The following AKAP5 variants were observed in gnomAD, a reference collection of about 807,000 sequenced individuals.
The protein encoded by AKAP5 is A-kinase anchoring protein 5, also known as A-kinase anchor protein 5.
AKAP5 carries 5 observed loss-of-function variants against 13.8 expected under a neutral mutation model. The ratio of observed to expected loss-of-function variants is 0.36; its 90% CI spans 0.19 to 0.76. The LOEUF (loss-of-function observed/expected upper bound fraction) is 0.76. Among genes scored for constraint, AKAP5 ranks in the 30% least tolerant of loss-of-function variants. The pLI is 0.51. For missense variants in AKAP5, 406 were observed against 484.4 expected (o/e 0.84, Z 1.52); for synonymous variants, 148 against 167.2 (o/e 0.89, Z 0.89).
In AKAP5 at chr14:64,471,722, G is replaced by C. The variant is rs1006463457; in HGVS notation, c.*2044G>C. The C allele has an allele frequency of 6.0e-6, 1 of 167,036 alleles. No individual in the cohort carries two copies. The highest frequency in any genetic ancestry group is 1.5e-5 in the Non-Finnish European group (1 of 68,118). The allele number at this position is 167,036 out of a possible 1,614,324, so 10.3% of individuals were successfully genotyped here. ...TACTTGAAACAGATGAAGTAATAAA[G>C]ATGAAGTATGAGATGTAAGGTATTT... On this transcript the variant is annotated 3_prime_UTR_variant, in exon 2 of 2. Transcript: ENST00000394718.
Position 64,468,615 on chromosome 14 carries a change from C to A in AKAP5, c.221C>A (p.Pro74His). The A allele has an allele frequency of 6.2e-7, 1 of 1,613,874 alleles. No homozygotes were observed. The highest frequency in any genetic ancestry group is 2.2e-5 in the East Asian group (1 of 44,882). ...GCAGGAGCTTCTGATCAGCCAGAGC[C>A]CACACGGGGGGCCTGGGCCTCACTC... ...QEAGASDQPEPTRGAWASLKR... is the reference protein window; with the variant it reads ...QEAGASDQPEHTRGAWASLKR... The change falls in exon 2 of 2, where the codon CCC becomes CAC. Residue 74 changes from proline to histidine, a missense_variant. Transcript: ENST00000394718.
chr14:64,473,331 A>G lies in AKAP5; in HGVS notation c.*3653A>G, dbSNP rs1004322835. On this transcript the variant is annotated 3_prime_UTR_variant, in exon 2 of 2. Coordinates refer to ENST00000394718, the MANE Select transcript of AKAP5 (RefSeq NM_004857.3). ...GGAGTTGTTCAGAAAAGCTGTCTGC[A>G]TAATTTTCCTTCAAGGTAATGTATT... 2.4e-5 allele frequency: 4 copies of G among 167,226 alleles called. No individual in the cohort carries two copies. The highest frequency in any genetic ancestry group is 2.1e-4 in the South Asian group (1 of 4,828). The allele number at this position is 167,226 out of a possible 1,614,324, so 10.4% of individuals were successfully genotyped here.
rs776663915 is a variant in AKAP5, at chr14:64,468,911, G to C, written c.517G>C (p.Ala173Pro). ...AACACAGACCCCATTGAATGATCAG[G>C]CAACAAAGGCTAAGTCAACCCAGGA... ...IQTQTPLNDQ[A>P]TKAKSTQDLS... Residue 173 changes from alanine to proline, a missense_variant, in exon 2 of 2, where the codon GCA becomes CCA. Physicochemically the swap from Ala to Pro is conservative, Grantham distance 27. Transcript: ENST00000394718. 56 of 1,614,098 alleles carry C rather than the reference G, an allele frequency of 3.5e-5. No homozygotes were observed. The highest frequency in any genetic ancestry group is 4.7e-5 in the Non-Finnish European group (55 of 1,180,024).
chr14:64,470,798 A>C lies in AKAP5; in HGVS notation c.*1120A>C, dbSNP rs1017314350. ...GCAAAAACAAAACAAGGGGAATATT[A>C]TTCTTCATCCAGGAGAAGGGAAAAT... On this transcript the variant is annotated 3_prime_UTR_variant, in exon 2 of 2. Transcript: ENST00000394718. 2 of 167,016 alleles carry C rather than the reference A, an allele frequency of 1.2e-5. No individual in the cohort carries two copies. Among genetic ancestry groups the C allele is most frequent in the Admixed American group, 6.5e-5 (1 of 15,288 alleles). 10.3% of individuals were successfully genotyped at this position (167,016 alleles called of 1,614,324 possible).
rs1430072669 is a variant in AKAP5, at chr14:64,470,095, CTTAT to C, written c.*420_*423del. On this transcript the variant is annotated 3_prime_UTR_variant, in exon 2 of 2. Coordinates refer to ENST00000394718, the MANE Select transcript of AKAP5 (RefSeq NM_004857.3). ...TAACATCACATTAAGTTTTTAAAAA[CTTAT>C]TTTTTACAGTGCACATATATGTTTA... 12 of 169,256 alleles carry C rather than the reference CTTAT, an allele frequency of 7.1e-5. No homozygotes were observed. The allele number at this position is 169,256 out of a possible 1,614,324, so 10.5% of individuals were successfully genotyped here. A position where few individuals can be genotyped will look rare whatever the true frequency, so the allele number is the denominator to read the frequency against.
Position 64,468,859 on chromosome 14 carries a change from G to A in AKAP5, c.465G>A (p.Gln155=), listed in dbSNP as rs369440017. ...IEDSDCSIKV[Q]EEAEILDIQT... ...ACTCAGACTGCAGCATCAAAGTCCA[G>A]GAAGAAGCTGAAATTTTGGATATAC... The change falls in exon 2 of 2, where the codon CAG becomes CAA. Residue 155 remains glutamine, a synonymous_variant. Coordinates refer to ENST00000394718, the MANE Select transcript of AKAP5 (RefSeq NM_004857.3). 2.5e-6 allele frequency: 4 copies of A among 1,613,988 alleles called. No homozygotes were observed. Among genetic ancestry groups the A allele is most frequent in the African/African-American group, 1.3e-5 (1 of 74,922 alleles).
rs2078684867 is a variant in AKAP5, at chr14:64,472,588, T to G, written c.*2910T>G. 6.0e-6 allele frequency: 1 copy of G among 166,996 alleles called. No homozygotes were observed. The highest frequency in any genetic ancestry group is 2.4e-5 in the African/African-American group (1 of 41,450). The allele number at this position is 166,996 out of a possible 1,614,324, so 10.3% of individuals were successfully genotyped here. ...TGCATTCATTCTTAAGAGGTTTCTGTTTTTCTATTGAGAATATCTGTTGAA... is the reference window on the plus strand; with the variant it reads ...TGCATTCATTCTTAAGAGGTTTCTGGTTTTCTATTGAGAATATCTGTTGAA... On this transcript the variant is annotated 3_prime_UTR_variant, in exon 2 of 2. Transcript: ENST00000394718.
Position 64,468,507 on chromosome 14 carries a change from A to G in AKAP5, c.113A>G (p.Lys38Arg). 1 of 1,614,114 alleles carries G rather than the reference A, an allele frequency of 6.2e-7. No homozygotes were observed. Among genetic ancestry groups the G allele is most frequent in the Non-Finnish European group, 8.5e-7 (1 of 1,180,040 alleles). ...QKEKASMLCFKRRKKAAKALK... is the reference protein window; with the variant it reads ...QKEKASMLCFRRRKKAAKALK... Reference sequence around the variant, plus strand: ...GAAAAGGCATCCATGCTTTGCTTCAAGAGAAGAAAGAAAGCAGCCAAAGCA... The same window carrying G: ...GAAAAGGCATCCATGCTTTGCTTCAGGAGAAGAAAGAAAGCAGCCAAAGCA... The change falls in exon 2 of 2, where the codon AAG becomes AGG. Residue 38 changes from lysine to arginine, a missense_variant. Coordinates refer to ENST00000394718, the MANE Select transcript of AKAP5 (RefSeq NM_004857.3).
In AKAP5 at chr14:64,470,850, T is replaced by C. The variant is rs555959958; in HGVS notation, c.*1172T>C. The C allele has an allele frequency of 1.2e-5, 2 of 167,126 alleles. No homozygotes were observed. Among genetic ancestry groups the C allele is most frequent in the East Asian group, 1.9e-4 (1 of 5,184 alleles). 10.4% of individuals were successfully genotyped at this position (167,126 alleles called of 1,614,324 possible). A position where few individuals can be genotyped will look rare whatever the true frequency, so the allele number is the denominator to read the frequency against. On this transcript the variant is annotated 3_prime_UTR_variant, in exon 2 of 2. Transcript: ENST00000394718. ...CCCAAGTAAATTATCACAGATAATA[T>C]AGGATTCATCTTGCAGAATTACTTC... is the stretch of plus-strand genomic sequence containing the variant.
chr14:64,468,433 G>C lies in AKAP5; in HGVS notation c.39G>C (p.Lys13Asn). Residue 13 changes from lysine to asparagine, a missense_variant, in exon 2 of 2, where the codon AAG (lysine) becomes AAC (asparagine). Lys to Asn is a moderately conservative substitution (Grantham distance 94). Transcript: ENST00000394718. ...TTTCAGAAATTCATGTAGAAAACAA[G>C]GATGAGAAGAGATCAGCAGAAGGTA... Reference protein sequence around the residue: ...TTISEIHVENKDEKRSAEGSP... With the variant: ...TTISEIHVENNDEKRSAEGSP... 2 of 1,607,744 alleles carry C rather than the reference G, an allele frequency of 1.2e-6. No individual in the cohort carries two copies. Among genetic ancestry groups the C allele is most frequent in the Non-Finnish European group, 1.7e-6 (2 of 1,178,378 alleles).
In AKAP5 at chr14:64,468,810, G is replaced by A; in HGVS notation, c.416G>A (p.Ser139Asn). 1 of 1,614,204 alleles carries A rather than the reference G, an allele frequency of 6.2e-7. No homozygotes were observed. Among genetic ancestry groups the A allele is most frequent in the African/African-American group, 1.3e-5 (1 of 75,066 alleles). ...CIKFPRGPKR[S>N]NHSKIIEDSD... Reference sequence around the variant, plus strand: ...AAATTCCCAAGAGGGCCAAAAAGGAGTAATCATTCCAAAATTATAGAAGAC... The same window carrying A: ...AAATTCCCAAGAGGGCCAAAAAGGAATAATCATTCCAAAATTATAGAAGAC... The change falls in exon 2 of 2, where the codon AGT becomes AAT. Residue 139 changes from serine to asparagine, a missense_variant. Ser to Asn is a conservative substitution (Grantham distance 46). Transcript: ENST00000394718.
At position 64,469,049 on chromosome 14, in the gene AKAP5, G is replaced by T. The variant is rs761905931; in HGVS notation, c.655G>T (p.Gly219Trp). Residue 219 changes from glycine to tryptophan, a missense_variant, in exon 2 of 2, where the codon GGG (glycine) becomes TGG (tryptophan). Gly to Trp is a radical substitution (Grantham distance 184). Coordinates refer to ENST00000394718, the MANE Select transcript of AKAP5 (RefSeq NM_004857.3). ...TTCAGTAGAACTTGGATTAGATAAT[G>T]GGCATTCTGCTATTCAAACGGGAAC... The part of the protein sequence containing the change: ...VISVELGLDN[G>W]HSAIQTGTLI... 1 of 1,614,050 alleles carries T rather than the reference G, an allele frequency of 6.2e-7. No individual in the cohort carries two copies.
chr14:64,468,344 G>A lies in AKAP5; in HGVS notation c.-51G>A. ...GCTCATCTTTTTGTCACAAAAGGCT[G>A]CTAAGGAAGAGAGAATACAGTTTTC... On this transcript the variant is annotated 5_prime_UTR_variant, in exon 2 of 2. Transcript: ENST00000394718. The A allele has an allele frequency of 6.7e-7, 1 of 1,496,034 alleles. No homozygotes were observed. The highest frequency in any genetic ancestry group is 8.9e-7 in the Non-Finnish European group (1 of 1,119,490). 92.7% of individuals were successfully genotyped at this position (1,496,034 alleles called of 1,614,324 possible).
chr14:64,469,804 C>A lies in AKAP5; in HGVS notation c.*126C>A. 1 of 714,572 alleles carries A rather than the reference C, an allele frequency of 1.4e-6. No homozygotes were observed. 44.3% of individuals were successfully genotyped at this position (714,572 alleles called of 1,614,324 possible). The stretch of plus-strand genomic sequence containing the variant: ...CTCTAGAACTTAAAAGGTACAATTC[C>A]AGCGCAGAAGTGCTAAAGATTAAGT... On this transcript the variant is annotated 3_prime_UTR_variant, in exon 2 of 2. Coordinates refer to ENST00000394718, the MANE Select transcript of AKAP5 (RefSeq NM_004857.3).
Position 64,469,019 on chromosome 14 carries a change from G to C in AKAP5, c.625G>C (p.Val209Leu). The C allele has an allele frequency of 6.2e-7, 1 of 1,614,204 alleles. No individual in the cohort carries two copies. The highest frequency in any genetic ancestry group is 1.1e-5 in the South Asian group (1 of 91,088). Residue 209 changes from valine (V) to leucine (L), a missense_variant, in exon 2 of 2, where the codon GTG (valine) becomes CTG (leucine). By Grantham distance (32) the Val-to-Leu change is conservative. Transcript: ENST00000394718. ...CAATAGCACAACTTCTGGAGAGAAA[G>C]TGATTTCAGTAGAACTTGGATTAGA... ...VSNSTTSGEK[V>L]ISVELGLDNG...
At position 64,469,292 on chromosome 14, in the gene AKAP5, G is replaced by A; in HGVS notation, c.898G>A (p.Val300Ile). The A allele has an allele frequency of 6.2e-7, 1 of 1,613,274 alleles. No homozygotes were observed. The highest frequency in any genetic ancestry group is 8.5e-7 in the Non-Finnish European group (1 of 1,179,896). Residue 300 changes from valine to isoleucine, a missense_variant, in exon 2 of 2, where the codon GTA becomes ATA. Val to Ile is a conservative substitution (Grantham distance 29). Coordinates refer to ENST00000394718, the MANE Select transcript of AKAP5 (RefSeq NM_004857.3). ...NGKDYESTEI[V>I]AEETKPKDTE... is the part of the protein sequence containing the mutation. ...AAAAGACTATGAAAGTACAGAGATT[G>A]TAGCTGAAGAAACTAAGCCAAAAGA...
chr14:64,469,167 A>T lies in AKAP5; in HGVS notation c.773A>T (p.Gln258Leu), dbSNP rs1269867402. Residue 258 changes from glutamine to leucine, a missense_variant, in exon 2 of 2, where the codon CAG (glutamine) becomes CTG (leucine). By Grantham distance (113) the Gln-to-Leu change is moderately radical (BLOSUM62 -2). Coordinates refer to ENST00000394718, the MANE Select transcript of AKAP5 (RefSeq NM_004857.3). ...SPLETSETDH[Q>L]QPVLSDVPPL... ...CTTGAAACTTCAGAAACAGACCATC[A>T]GCAGCCAGTACTTTCTGATGTTCCT... The T allele has an allele frequency of 1.2e-6, 2 of 1,614,058 alleles. No individual in the cohort carries two copies. The highest frequency in any genetic ancestry group is 2.2e-5 in the East Asian group (1 of 44,896).
In AKAP5 at chr14:64,468,968, G is replaced by C; in HGVS notation, c.574G>C (p.Asp192His). Reference sequence around the variant, plus strand: ...TGAAGGCATCTCACGGAAAGATGGTGATGAGGTCTGTGAATCAAATGTGAG... The same window carrying C: ...TGAAGGCATCTCACGGAAAGATGGTCATGAGGTCTGTGAATCAAATGTGAG... Reference protein sequence around the residue: ...LSEGISRKDGDEVCESNVSNS... With the variant: ...LSEGISRKDGHEVCESNVSNS... Residue 192 changes from aspartate to histidine, a missense_variant, in exon 2 of 2, where the codon GAT becomes CAT. Asp to His is a moderately conservative substitution (Grantham distance 81). Transcript: ENST00000394718. 6.2e-7 allele frequency: 1 copy of C among 1,614,252 alleles called. No individual in the cohort carries two copies. Among genetic ancestry groups the C allele is most frequent in the East Asian group, 2.2e-5 (1 of 44,886 alleles).
Position 64,469,068 on chromosome 14 carries a change from C to T in AKAP5, c.674C>T (p.Thr225Met), listed in dbSNP as rs762808533. The T allele has an allele frequency of 7.4e-6, 12 of 1,614,034 alleles. No individual in the cohort carries two copies. The highest frequency in any genetic ancestry group is 1.1e-5 in the South Asian group (1 of 91,060). The change falls in exon 2 of 2, where the codon ACG becomes ATG. Residue 225 changes from threonine to methionine, a missense_variant. Transcript: ENST00000394718. ...GATAATGGGCATTCTGCTATTCAAA[C>T]GGGAACTCTAATCCTTGAAGAAATT... ...GLDNGHSAIQ[T>M]GTLILEEIET...
Sources: allele counts gnomAD v4.1 joint callset, GRCh38; gene constraint gnomAD v4.1.1; transcripts MANE v1.5; gene names NCBI Gene and HGNC (gene_info 2026-07-23, HGNC 2026-07-21).